Variants in HS3ST4 observed in about 807,000 individuals in gnomAD.
HS3ST4 encodes heparan sulfate-glucosamine 3-sulfotransferase 4.
A neutral mutation model predicts 29.2 loss-of-function variants in HS3ST4; 17 were observed. That is an observed-to-expected ratio of 0.58 (90% CI 0.40 to 0.87). The LOEUF is 0.87. Among genes scored for constraint, HS3ST4 ranks in the 40% least tolerant of loss-of-function variants. HS3ST4 has a pLI of 0.00. For missense variants in HS3ST4, 627 were observed against 634.5 expected (o/e 0.99, Z 0.13); for synonymous variants, 314 against 285.7 (o/e 1.10, Z -1.00).
At chr16:25,728,836 A>G (rs1239171260) in intron 1 of HS3ST4, among the ~76,000 whole-genome samples, 5 of 152,294 alleles carry the variant, frequency 3.3e-5, no homozygotes, top group African/African-American at 1.2e-4. Context: ...TAATCCCGAC[A>G]CTTTGGGAGG....
At chr16:25,765,323 G>T (rs531913589) in intron 1 of HS3ST4, among the ~76,000 whole-genome samples, 1 of 152,180 alleles carries the variant, frequency 6.6e-6, no homozygotes, top group African/African-American at 2.4e-5. Flanking sequence ...CGGAGACGCC[G>T]CTGGGAAGCC....
At chr16:26,102,481 G>A (rs1415313993) in intron 1 of HS3ST4, among the ~76,000 whole-genome samples, 1 of 152,060 alleles carries the variant, frequency 6.6e-6, no homozygotes, top group African/African-American at 2.4e-5. Context: ...CCTTCGTGGT[G>A]CCATTTTCTT....
chr16:26,008,964 C>G (rs1363280808), intron 1 of HS3ST4, among the ~76,000 whole-genome samples: 3 of 152,188 alleles, frequency 2.0e-5, no homozygotes, highest in Non-Finnish European at 4.4e-5. Context: ...GCTGGTGCTT[C>G]CATCCTGCTG....
chr16:25,973,743 C>CCTGCTATA (rs1968917864), intron 1 of HS3ST4, among the ~76,000 whole-genome samples: 1 of 152,110 alleles, frequency 6.6e-6, no homozygotes, highest in Non-Finnish European at 1.5e-5. Context: ...GCTATTAATT[C>CCTGCTATA]GGGACTTTTA....
chr16:26,007,519 A>G (rs1969269350), intron 1 of HS3ST4, among the ~76,000 whole-genome samples: 1 of 152,196 alleles, frequency 6.6e-6, no homozygotes, highest in Non-Finnish European at 1.5e-5. Flanking sequence ...GATTAAAAGG[A>G]ACACTATCTG....
At chr16:25,939,110 G>T (rs1358037194) in intron 1 of HS3ST4, among the ~76,000 whole-genome samples, 1 of 152,044 alleles carries the variant, frequency 6.6e-6, no homozygotes, top group African/African-American at 2.4e-5. Flanking sequence ...GTTCCTGCAT[G>T]CAGAGACCAG....
intron 1 of HS3ST4, among the ~76,000 whole-genome samples, chr16:25,749,979 C>A (rs4310857): frequency 0.92 from 140,623 of 152,278 alleles, 64,950 homozygotes; most frequent in East Asian, 1. Flanking sequence ...TATACCATTA[C>A]ACAACCACAA....
At position 26,055,587 on chromosome 16, in the gene HS3ST4, C is replaced by A. The variant is rs555602104; in HGVS notation, c.735-80025C>A. 2.6e-4 allele frequency among the ~76,000 whole-genome samples: 39 copies of A among 152,208 alleles called. 1 individual carries two copies. Among genetic ancestry groups the A allele is most frequent in the Non-Finnish European group, 4.0e-4 (27 of 68,014 alleles). ...ACTAATCTAGCTAAGGCTAGCAATACCCACCAATGCTTAGTTTTGAAAAGT... is the reference window on the plus strand; with the variant it reads ...ACTAATCTAGCTAAGGCTAGCAATAACCACCAATGCTTAGTTTTGAAAAGT... On this transcript the variant is annotated intron_variant, in intron 1 of 1. Coordinates refer to ENST00000331351, the MANE Select transcript of HS3ST4 (RefSeq NM_006040.3).
intron 1 of HS3ST4, among the ~76,000 whole-genome samples, chr16:25,931,858 A>T (rs2141687898): frequency 6.6e-6 from 1 of 152,294 alleles, no homozygotes; most frequent in South Asian, 2.1e-4. Flanking sequence ...TATTCCTTCA[A>T]GTCTTCCCAG....
chr16:25,814,407 C>T (rs563389976), intron 1 of HS3ST4, among the ~76,000 whole-genome samples: 23 of 151,972 alleles, frequency 1.5e-4, no homozygotes, highest in African/African-American at 4.8e-4. Context: ...AGTGCAGTGG[C>T]GCAATATCAG....
chr16:25,709,784 A>T lies in HS3ST4; in HGVS notation c.734+16633A>T, dbSNP rs576253645. Among the ~76,000 whole-genome samples, 3 of 152,292 alleles carry T rather than the reference A, an allele frequency of 2.0e-5. No individual in the cohort carries two copies. The East Asian group carries it at 5.8e-4, about 29-fold the overall frequency. On this transcript the variant is annotated intron_variant, in intron 1 of 1. Transcript: ENST00000331351. ...CTAAGATGTGTTCAATCCTGAAAAA[A>T]GTATCTATGGAATCTGCCCCTCAGA... is the stretch of plus-strand genomic sequence containing the variant.
chr16:25,965,380 CAA>C (rs1429319617), intron 1 of HS3ST4, among the ~76,000 whole-genome samples: 3 of 119,860 alleles, frequency 2.5e-5, no homozygotes, highest in South Asian at 5.4e-4. Context: ...CATTGGGTGA[CAA>C]GAGTGAAATT....
At chr16:26,040,296 CTTTT>C (rs565233563) in intron 1 of HS3ST4, among the ~76,000 whole-genome samples, 1 of 135,712 alleles carries the variant, frequency 7.4e-6, no homozygotes. Context: ...ATCTTTCTTT[CTTTT>C]TTTTTTTTTT....
At position 25,994,452 on chromosome 16, in the gene HS3ST4, A is replaced by T. The variant is rs114669730; in HGVS notation, c.735-141160A>T. Among the ~76,000 whole-genome samples the T allele has an allele frequency of 3.9e-3, 601 of 152,262 alleles. 6 individuals carry two copies. The highest frequency in any genetic ancestry group is 0.014 in the African/African-American group (566 of 41,562). On this transcript the variant is annotated intron_variant, in intron 1 of 1. Coordinates refer to ENST00000331351, the MANE Select transcript of HS3ST4 (RefSeq NM_006040.3). ...TACCATTTCATACAGTACTGTAAAG[A>T]GCACATAATATATACTGTTTATTTA...
chr16:25,762,974 A>G (rs1375339732), intron 1 of HS3ST4, among the ~76,000 whole-genome samples: 6 of 151,932 alleles, frequency 3.9e-5, no homozygotes, highest in Admixed American at 1.3e-4. Context: ...CTGCTCAGCT[A>G]CTAGCTTCTG....
intron 1 of HS3ST4, among the ~76,000 whole-genome samples, chr16:26,126,002 G>T (rs1345035117): frequency 6.6e-6 from 1 of 152,210 alleles, no homozygotes; most frequent in African/African-American, 2.4e-5. Flanking sequence ...TTTTAAGAAA[G>T]ATTCTTATGT....
chr16:26,004,202 C>G (rs1216793874), intron 1 of HS3ST4, among the ~76,000 whole-genome samples: 1 of 152,106 alleles, frequency 6.6e-6, no homozygotes, highest in East Asian at 1.9e-4. Flanking sequence ...AAATAATATT[C>G]TCGAGTATAA....
intron 1 of HS3ST4, among the ~76,000 whole-genome samples, chr16:25,895,557 G>A (rs572765666): frequency 1.3e-5 from 2 of 152,160 alleles, no homozygotes; most frequent in East Asian, 3.9e-4. Context: ...CGGTTGTCTG[G>A]GCTGCTGTAA....
chr16:26,004,074 CA>C (rs1459741480), intron 1 of HS3ST4, among the ~76,000 whole-genome samples: 3 of 152,142 alleles, frequency 2.0e-5, no homozygotes, highest in Admixed American at 6.5e-5. Flanking sequence ...CATATATTTA[CA>C]GTCGTTTCAG....
Sources: gnomAD v4.1 joint callset for allele counts (sites outside exome capture counted in the v4.1 genomes callset) on GRCh38, gnomAD v4.1.1 for gene constraint, MANE v1.5 for transcripts, NCBI Gene and HGNC (gene_info 2026-07-23, HGNC 2026-07-21) for gene names.